Variants in CEACAM19 observed in about 807,000 individuals in gnomAD.
CEACAM19 encodes the protein cell adhesion molecule CEACAM19.
In CEACAM19, 37 loss-of-function variants were observed where a neutral mutation model predicts 37.6. The observed-to-expected ratio is 0.98, with a 90% CI of 0.76 to 1.29. The LOEUF is 1.29. CEACAM19 is among the 50% of genes most tolerant of loss of function. CEACAM19 has a pLI of 0.00. For missense variants in CEACAM19, 340 were observed against 375.6 expected, an observed-to-expected ratio of 0.91 and a Z score of 0.78; for synonymous variants, 140 against 149.8, an observed-to-expected ratio of 0.93 and a Z score of 0.48.
intron 3 of CEACAM19, chr19:44,678,091 A>G (rs1183298861): frequency 6.6e-6 from 1 of 151,976 alleles, no homozygotes; most frequent in Admixed American, 6.6e-5. Flanking sequence ...TGATCCTCCC[A>G]CCTCAGCCTC....
chr19:44,680,448 G>A, intron 5 of CEACAM19, 114 bp downstream of exon 5: 1 of 974,070 alleles, frequency 1.0e-6, no homozygotes, highest in Non-Finnish European at 1.6e-6. Flanking sequence ...CAATGCACCT[G>A]CCCCGAGACC....
chr19:44,683,824 G>T lies in CEACAM19; in HGVS notation c.*334G>T. On this transcript the variant is annotated 3_prime_UTR_variant, in exon 8 of 8. Coordinates refer to ENST00000358777, the MANE Select transcript of CEACAM19 (RefSeq NM_001127893.3). ...TCTGGATATCTGGGGACAAGATGGT[G>T]GCCTCAGGCCTGCCTCCCAGGCAGT... 3.8e-6 allele frequency: 1 copy of T among 263,744 alleles called. No individual in the cohort carries two copies. Among genetic ancestry groups the T allele is most frequent in the Non-Finnish European group, 7.1e-6 (1 of 139,862 alleles). The allele number at this position is 263,744 out of a possible 1,614,324, so 16.3% of individuals were successfully genotyped here.
At chr19:44,670,781 GAA>G (rs74691226), upstream of CEACAM19, among the ~76,000 whole-genome samples, 32 of 58,174 alleles carry the variant, frequency 5.5e-4, no homozygotes, top group African/African-American at 9.2e-4. Context: ...CCTGTCTCAA[GAA>G]AAAAAAAAAA....
At chr19:44,667,777 A>T (rs1282910178), upstream of CEACAM19, among the ~76,000 whole-genome samples, 19 of 70,328 alleles carry the variant, frequency 2.7e-4, no homozygotes, top group African/African-American at 1.0e-3. Flanking sequence ...ATTTATATAT[A>T]ATATATAAAT....
intron 3 of CEACAM19, 60 bp from the exon 4 acceptor site, chr19:44,678,793 C>T: frequency 1.3e-6 from 2 of 1,587,440 alleles, no homozygotes; most frequent in South Asian, 2.3e-5. Context: ...GGATGTTGCT[C>T]TCTGATATTC....
At chr19:44,673,270 G>A (rs1973890222) in intron 2 of CEACAM19, among the ~76,000 whole-genome samples, 1 of 152,186 alleles carries the variant, frequency 6.6e-6, no homozygotes, top group African/African-American at 2.4e-5. Context: ...CTGGTTGTGA[G>A]GAATGCATCC....
At chr19:44,667,594 T>G (rs1451604294), upstream of CEACAM19, among the ~76,000 whole-genome samples, 1 of 109,338 alleles carries the variant, frequency 9.1e-6, no homozygotes, top group Non-Finnish European at 1.7e-5. Flanking sequence ...TGTATATATT[T>G]TTATATATAA....
intron 3 of CEACAM19, chr19:44,677,675 G>A (rs552629214): frequency 6.6e-6 from 1 of 151,842 alleles, no homozygotes; most frequent in Admixed American, 6.6e-5. Flanking sequence ...ATGTGCCATG[G>A]ATTCTGTTTT....
At chr19:44,667,774 T>C (rs1215630798), upstream of CEACAM19, among the ~76,000 whole-genome samples, 2 of 74,720 alleles carry the variant, frequency 2.7e-5, no homozygotes, top group Non-Finnish European at 4.5e-5. Flanking sequence ...TATATTTATA[T>C]ATAATATATA....
upstream of CEACAM19, among the ~76,000 whole-genome samples, chr19:44,670,241 T>G (rs1480516966): frequency 6.6e-6 from 1 of 151,690 alleles, no homozygotes; most frequent in African/African-American, 2.4e-5. Context: ...GAGGATTGCT[T>G]GAGCCCAGGA....
upstream of CEACAM19, among the ~76,000 whole-genome samples, chr19:44,668,613 T>C: frequency 1.1e-5 from 1 of 88,528 alleles, no homozygotes; most frequent in Non-Finnish European, 1.9e-5. Context: ...TATATATGTA[T>C]ATAATTATAT....
chr19:44,666,614 G>A (rs1455214033), upstream of CEACAM19, among the ~76,000 whole-genome samples: 1 of 152,178 alleles, frequency 6.6e-6, no homozygotes, highest in Non-Finnish European at 1.5e-5. Context: ...AGGTTGCAGT[G>A]AGCTGAGATC....
upstream of CEACAM19, among the ~76,000 whole-genome samples, chr19:44,669,269 C>G (rs188660408): frequency 3.3e-5 from 5 of 152,126 alleles, no homozygotes; most frequent in East Asian, 9.6e-4. Flanking sequence ...TAGTTGAAAG[C>G]CACCAAGCCT....
At position 44,672,422 on chromosome 19, in the gene CEACAM19, C is replaced by T. The variant is rs375998980; in HGVS notation, c.56-174C>T. ...GGATGGCAAATCTGTGGTAACCATGCCTGTGTTCCCACTCCTGCACCCAGG... is the reference window on the plus strand; with the variant it reads ...GGATGGCAAATCTGTGGTAACCATGTCTGTGTTCCCACTCCTGCACCCAGG... On this transcript the variant is annotated intron_variant, in intron 1 of 7. Transcript: ENST00000358777. 7 of 652,082 alleles carry T rather than the reference C, an allele frequency of 1.1e-5. No homozygotes were observed. The South Asian group carries it at 1.8e-4, about 17-fold the overall frequency. The allele number at this position is 652,082 out of a possible 1,614,324, so 40.4% of individuals were successfully genotyped here.
chr19:44,668,153 T>C (rs1340269288), upstream of CEACAM19, among the ~76,000 whole-genome samples: 11 of 83,770 alleles, frequency 1.3e-4, no homozygotes, highest in Non-Finnish European at 2.2e-4. Context: ...TATATATATT[T>C]ATATGCTATA....
At chr19:44,681,523 G>A (rs1974059588) in intron 6 of CEACAM19, among the ~76,000 whole-genome samples, 1 of 152,194 alleles carries the variant, frequency 6.6e-6, no homozygotes, top group Non-Finnish European at 1.5e-5. Flanking sequence ...GTGGAGGCTG[G>A]TGGGTGGGTT....
intron 2 of CEACAM19, among the ~76,000 whole-genome samples, chr19:44,674,148 G>A (rs1252809479): frequency 2.0e-5 from 3 of 151,674 alleles, no homozygotes; most frequent in African/African-American, 4.8e-5. Context: ...TGGGAGGCAG[G>A]AGAATCACTT....
intron 6 of CEACAM19, among the ~76,000 whole-genome samples, chr19:44,681,641 T>G (rs1275980738): frequency 6.6e-6 from 1 of 151,966 alleles, no homozygotes; most frequent in Non-Finnish European, 1.5e-5. Context: ...TAAAAATGAG[T>G]CATTTAGGCT....
upstream of CEACAM19, among the ~76,000 whole-genome samples, chr19:44,667,617 T>TTATAAATATATATATA (rs1410722559): frequency 9.0e-5 from 9 of 99,466 alleles, no homozygotes; most frequent in Non-Finnish European, 1.5e-4. Context: ...ATATATTATA[T>TTATAAATATATATATA]ATTTATAAAT....
Sources: allele counts gnomAD v4.1 joint callset (sites outside exome capture counted in the v4.1 genomes callset), GRCh38; gene constraint gnomAD v4.1.1; transcripts MANE v1.5; gene names NCBI Gene and HGNC (gene_info 2026-07-23, HGNC 2026-07-21).